Variants in KLF12 observed in about 807,000 individuals in gnomAD.
KLF12 encodes the protein KLF transcription factor 12.
KLF12 carries 9 observed loss-of-function variants against 37.8 expected under a neutral mutation model. The ratio of observed to expected loss-of-function variants is 0.24; its 90% confidence interval spans 0.14 to 0.42. The LOEUF is 0.42. KLF12 is among the 10% of genes least tolerant of loss of function. The pLI, the probability that KLF12 is intolerant of heterozygous loss-of-function variation, is 1.00. For synonymous variants in KLF12, 208 were observed against 202.1 expected, an observed-to-expected ratio of 1.03 and a Z score of -0.25; for missense variants, 411 against 516.0, an observed-to-expected ratio of 0.80 and a Z score of 1.97.
At chr13:73,997,795 G>A (rs1291160180) in intron 1 of KLF12, among the ~76,000 whole-genome samples, 2 of 152,154 alleles carry the variant, frequency 1.3e-5, no homozygotes, top group Admixed American at 1.3e-4. Context: ...TTTCTCAATT[G>A]TCATTAGGTG....
chr13:74,013,529 A>G (rs1438254646), intron 1 of KLF12, among the ~76,000 whole-genome samples: 1 of 152,246 alleles, frequency 6.6e-6, no homozygotes, highest in African/African-American at 2.4e-5. Flanking sequence ...TATAGTAACA[A>G]CAACAACACA....
At chr13:73,782,676 A>T (rs1174223107) in intron 5 of KLF12, among the ~76,000 whole-genome samples, 13 of 152,218 alleles carry the variant, frequency 8.5e-5, no homozygotes, top group Admixed American at 8.5e-4. Context: ...GCAATGTTGA[A>T]CCGACCATAC....
the KLF12 span, among the ~76,000 whole-genome samples, chr13:74,213,270 G>A: frequency 6.6e-6 from 1 of 151,868 alleles, no homozygotes; most frequent in African/African-American, 2.4e-5. Flanking sequence ...TTTCTAGTCG[G>A]TGGTATTGGC....
At chr13:73,812,933 A>T in intron 5 of KLF12, 1 of 478,602 alleles carries the variant, frequency 2.1e-6, no homozygotes, top group Non-Finnish European at 3.7e-6. Flanking sequence ...AGATGCACAT[A>T]GGTCTTATAT....
intron 5 of KLF12, among the ~76,000 whole-genome samples, chr13:73,772,282 T>G (rs927638910): frequency 6.6e-6 from 1 of 152,210 alleles, no homozygotes; most frequent in African/African-American, 2.4e-5. Flanking sequence ...CTATGTGCTA[T>G]GAAGTGTGTG....
rs749562287 is a variant in KLF12, at chr13:74,038,760, G to A, written c.-31-43707C>T. On this transcript the variant is annotated intron_variant, in intron 1 of 7. Transcript: ENST00000377669. ...TAAAGTAAGTTGACTGCTTTTGTAAGAAAGGGGGTTGTGTTTGACTTCAAA... is the reference window on the plus strand; with the variant it reads ...TAAAGTAAGTTGACTGCTTTTGTAAAAAAGGGGGTTGTGTTTGACTTCAAA... Among the ~76,000 whole-genome samples the A allele has an allele frequency of 2.4e-4, 37 of 152,110 alleles. 1 individual carries two copies. Among genetic ancestry groups the A allele is most frequent in the Non-Finnish European group, 4.7e-4 (32 of 68,014 alleles).
intron 3 of KLF12, among the ~76,000 whole-genome samples, chr13:73,875,742 T>C (rs563414153): frequency 7.9e-5 from 12 of 152,250 alleles, no homozygotes; most frequent in African/African-American, 1.7e-4. Context: ...ATTTGATGAA[T>C]TGTGCTTTAT....
chr13:74,040,780 A>G (rs1893380769), intron 1 of KLF12, among the ~76,000 whole-genome samples: 3 of 152,298 alleles, frequency 2.0e-5, no homozygotes, highest in East Asian at 1.9e-4. Flanking sequence ...AAAAATGTTC[A>G]TAACAACTCT....
intron 3 of KLF12, among the ~76,000 whole-genome samples, chr13:73,930,173 T>C (rs1889598526): frequency 6.6e-6 from 1 of 152,254 alleles, no homozygotes; most frequent in South Asian, 2.1e-4. Context: ...AATGTAAAGA[T>C]GATTGGTTCA....
intron 1 of KLF12, among the ~76,000 whole-genome samples, chr13:74,068,455 A>G (rs574134275): frequency 3.9e-5 from 6 of 152,372 alleles, no homozygotes; most frequent in African/African-American, 1.2e-4. Context: ...CATTAACACT[A>G]AACTCCATCT....
chr13:73,743,606 T>C (rs1040548555), intron 6 of KLF12, among the ~76,000 whole-genome samples: 1 of 152,196 alleles, frequency 6.6e-6, no homozygotes, highest in Non-Finnish European at 1.5e-5. Flanking sequence ...ACAAGGAAAC[T>C]TCTTTCAAAA....
At chr13:73,875,464 G>GT (rs1886660614) in intron 3 of KLF12, among the ~76,000 whole-genome samples, 1 of 152,036 alleles carries the variant, frequency 6.6e-6, no homozygotes, top group Non-Finnish European at 1.5e-5. Context: ...AGAAAACATG[G>GT]TTTTTGTGAC....
At chr13:74,297,185 C>G in the KLF12 span, among the ~76,000 whole-genome samples, 1 of 152,092 alleles carries the variant, frequency 6.6e-6, no homozygotes, top group Non-Finnish European at 1.5e-5. Flanking sequence ...CTAGAATATG[C>G]CAGACTATTC....
At chr13:73,715,261 C>T in intron 7 of KLF12, 107 bp downstream of exon 7, 1 of 876,582 alleles carries the variant, frequency 1.1e-6, no homozygotes, top group Non-Finnish European at 1.7e-6. Flanking sequence ...GGGAACTGGA[C>T]TTGAGAGGTA....
chr13:73,908,874 G>A (rs1888440674), intron 3 of KLF12, among the ~76,000 whole-genome samples: 1 of 152,082 alleles, frequency 6.6e-6, no homozygotes, highest in African/African-American at 2.4e-5. Flanking sequence ...GTTCATGATT[G>A]TCTATTTTAT....
At chr13:73,867,433 C>T (rs1886231962) in intron 3 of KLF12, among the ~76,000 whole-genome samples, 1 of 151,476 alleles carries the variant, frequency 6.6e-6, no homozygotes, top group Admixed American at 6.6e-5. Context: ...TATATATACA[C>T]ACATACATAT....
chr13:73,811,531 A>G (rs1882941600), intron 5 of KLF12, among the ~76,000 whole-genome samples: 1 of 152,158 alleles, frequency 6.6e-6, no homozygotes, highest in Non-Finnish European at 1.5e-5. Flanking sequence ...ATTATTACTA[A>G]TTACTACTAT....
At chr13:74,214,630 C>T in the KLF12 span, among the ~76,000 whole-genome samples, 2 of 147,464 alleles carry the variant, frequency 1.4e-5, no homozygotes, top group African/African-American at 2.6e-5. Flanking sequence ...TCTGGTGATA[C>T]TCTGATTTCA....
intron 7 of KLF12, among the ~76,000 whole-genome samples, chr13:73,696,814 T>C (rs1429223985): frequency 1.3e-5 from 2 of 152,200 alleles, no homozygotes; most frequent in South Asian, 2.1e-4. Flanking sequence ...CTTTTCACTA[T>C]TTTACAGTGG....
Sources: gnomAD v4.1 joint callset for allele counts (sites outside exome capture counted in the v4.1 genomes callset) on GRCh38, gnomAD v4.1.1 for gene constraint, MANE v1.5 for transcripts, NCBI Gene and HGNC (gene_info 2026-07-23, HGNC 2026-07-21) for gene names.